OPRM1: variants seen among roughly 807,000 people sequenced by gnomAD.
OPRM1 encodes the protein opioid receptor mu 1, also known as mu-type opioid receptor.
OPRM1 carries 27 observed loss-of-function variants against 31.8 expected under a neutral mutation model. The observed-to-expected ratio is 0.85, with a 90% CI of 0.63 to 1.17. The LOEUF (loss-of-function observed/expected upper bound fraction) is 1.17, where lower values mean the gene tolerates loss of function less well. Among genes scored for constraint, OPRM1 ranks in the 50% most tolerant of loss-of-function variants. OPRM1 has a pLI of 0.00. For synonymous variants in OPRM1, 196 were observed against 189.9 expected (o/e 1.03, Z -0.26); for missense variants, 536 against 511.1 (o/e 1.05, Z -0.47).
At chr6:154,079,098 T>A (rs895436659) in intron 1 of OPRM1, among the ~76,000 whole-genome samples, 1 of 152,156 alleles carries the variant, frequency 6.6e-6, no homozygotes, top group African/African-American at 2.4e-5. Context: ...CTTTACCAAC[T>A]GATCATCTCA....
At chr6:154,029,358 A>G (rs1778878659) in intron 1 of OPRM1, among the ~76,000 whole-genome samples, 1 of 152,248 alleles carries the variant, frequency 6.6e-6, no homozygotes, top group Non-Finnish European at 1.5e-5. Context: ...ATCTGTTTCT[A>G]GAAAAACTTG....
At chr6:154,147,540 G>A (rs761141214) in intron 3 of OPRM1, among the ~76,000 whole-genome samples, 16 of 152,288 alleles carry the variant, frequency 1.1e-4, no homozygotes, top group South Asian at 8.3e-4. Flanking sequence ...TTCACTGAGC[G>A]AGTTATAACT....
At chr6:154,133,252 ATC>A (rs1222864558), downstream of OPRM1, among the ~76,000 whole-genome samples, 7 of 152,252 alleles carry the variant, frequency 4.6e-5, no homozygotes, top group African/African-American at 1.7e-4. Context: ...TAAAAATTTC[ATC>A]TCTACATGGT....
chr6:154,216,131 C>A (rs1778373577), intron 3 of OPRM1, among the ~76,000 whole-genome samples: 1 of 152,086 alleles, frequency 6.6e-6, no homozygotes, highest in Non-Finnish European at 1.5e-5. Flanking sequence ...AAATATCAAT[C>A]CTATAGAAAC....
chr6:154,140,477 T>C (rs1417103861), intron 3 of OPRM1, among the ~76,000 whole-genome samples: 2 of 152,104 alleles, frequency 1.3e-5, no homozygotes, highest in Non-Finnish European at 2.9e-5. Context: ...ATTACAGGCG[T>C]GTGCCACCAC....
chr6:154,209,166 T>G (rs1042447255), intron 3 of OPRM1, among the ~76,000 whole-genome samples: 3 of 152,248 alleles, frequency 2.0e-5, no homozygotes, highest in Admixed American at 6.5e-5. Flanking sequence ...ATTTTAAATT[T>G]TTTTGAATTT....
chr6:154,038,876 C>G (rs760102369), upstream of OPRM1, among the ~76,000 whole-genome samples: 2 of 152,098 alleles, frequency 1.3e-5, no homozygotes, highest in Non-Finnish European at 2.9e-5. Flanking sequence ...ATTGGAGAAA[C>G]ATTATTACCT....
At position 154,039,601 on chromosome 6, in the gene OPRM1, C is replaced by G. The variant is rs1779608711; in HGVS notation, c.57C>G (p.Tyr19Ter). The G allele has an allele frequency of 1.2e-6, 2 of 1,613,870 alleles. No homozygotes were observed. The highest frequency in any genetic ancestry group is 1.1e-5 in the South Asian group (1 of 91,044). ...NASNCTDALA[Y>*]SSCSPAPSPG... The stretch of plus-strand genomic sequence containing the variant: ...GCAATTGCACTGATGCCTTGGCGTA[C>G]TCAAGTTGCTCCCCAGCACCCAGCC... Residue 19 changes from tyrosine to a stop codon, truncating the protein, a stop_gained, in exon 1 of 4, where the codon TAC (tyrosine) becomes TAG (stop). Transcript: ENST00000330432. LOFTEE classifies it high-confidence loss of function.
chr6:154,244,369 C>T (rs550519001), intron 3 of OPRM1, among the ~76,000 whole-genome samples: 3 of 151,446 alleles, frequency 2.0e-5, no homozygotes, highest in Admixed American at 2.0e-4. Context: ...CCCCTACATA[C>T]CATTAGTTTT....
chr6:154,227,271 C>T (rs973705080), intron 3 of OPRM1, among the ~76,000 whole-genome samples: 1 of 151,954 alleles, frequency 6.6e-6, no homozygotes, highest in Admixed American at 6.6e-5. Context: ...TTCCATGGAG[C>T]TGAATTAGAA....
intron 1 of OPRM1, among the ~76,000 whole-genome samples, chr6:154,079,839 A>G (rs1174986810): frequency 3.3e-5 from 5 of 152,032 alleles, no homozygotes; most frequent in African/African-American, 9.7e-5. Flanking sequence ...CCTCCCAAAG[A>G]GCTTAGGATT....
At chr6:154,083,923 G>C (rs1483292190) in intron 1 of OPRM1, among the ~76,000 whole-genome samples, 1 of 112,714 alleles carries the variant, frequency 8.9e-6, no homozygotes, top group Non-Finnish European at 1.6e-5. Context: ...CAGCCTGGGC[G>C]ACAAAGGGAG....
chr6:154,046,255 G>A (rs554713417), intron 1 of OPRM1, among the ~76,000 whole-genome samples: 3 of 152,256 alleles, frequency 2.0e-5, no homozygotes, highest in Admixed American at 1.3e-4. Flanking sequence ...TTCCATTTTT[G>A]TTCCTGCCTT....
downstream of OPRM1, among the ~76,000 whole-genome samples, chr6:154,135,605 GTCT>G (rs1455781237): frequency 6.6e-6 from 1 of 152,182 alleles, no homozygotes; most frequent in African/African-American, 2.4e-5. Context: ...TTTTAACTCT[GTCT>G]TCTTCCTAGT....
Position 154,099,154 on chromosome 6 carries a change from A to G in OPRM1, c.1164+7682A>G, listed in dbSNP as rs537535802. 5.3e-5 allele frequency among the ~76,000 whole-genome samples: 8 copies of G among 152,136 alleles called. No individual in the cohort carries two copies. In the East Asian group the frequency reaches 1.4e-3, roughly 26 times the overall value. ...AACAAAAAAAGCCAGGCGCGGTGGC[A>G]TGCACCTGTAGGTCTAGCTACTCAG... On this transcript the variant is annotated intron_variant, in intron 3 of 3. Transcript: ENST00000330432.
chr6:154,036,302 C>T (rs1234657425), upstream of OPRM1, among the ~76,000 whole-genome samples: 1 of 151,606 alleles, frequency 6.6e-6, no homozygotes, highest in African/African-American at 2.4e-5. Context: ...TGGAAGATAC[C>T]AAGATATAAA....
intron 3 of OPRM1, among the ~76,000 whole-genome samples, chr6:154,097,678 T>G (rs1793634926): frequency 6.6e-6 from 1 of 152,066 alleles, no homozygotes; most frequent in African/African-American, 2.4e-5. Context: ...AAATTAATAT[T>G]TCATGCATAG....
intron 3 of OPRM1, among the ~76,000 whole-genome samples, chr6:154,179,881 G>C (rs569792901): frequency 1.3e-5 from 2 of 152,262 alleles, no homozygotes; most frequent in East Asian, 3.9e-4. Context: ...TTGTTAACAT[G>C]TAGATTCCAT....
At chr6:154,012,742 G>T (rs1777796383) in intron 1 of OPRM1, among the ~76,000 whole-genome samples, 1 of 152,148 alleles carries the variant, frequency 6.6e-6, no homozygotes, top group South Asian at 2.1e-4. Context: ...CCATAGACTG[G>T]TGATTTAAAC....
Sources: gnomAD v4.1 joint callset for allele counts (sites outside exome capture counted in the v4.1 genomes callset) on GRCh38, gnomAD v4.1.1 for gene constraint, MANE v1.5 for transcripts, NCBI Gene and HGNC (gene_info 2026-07-23, HGNC 2026-07-21) for gene names.